Variants in TCN2 observed in about 807,000 individuals in gnomAD.
TCN2 encodes transcobalamin 2.
TCN2 carries 34 observed loss-of-function variants against 48.6 expected under a neutral mutation model. The ratio of observed to expected loss-of-function variants is 0.70; its 90% CI spans 0.53 to 0.93. The LOEUF is 0.93. TCN2 is among the 40% of genes least tolerant of loss of function. TCN2 has a pLI of 0.00. For synonymous variants in TCN2, 283 were observed against 212.5 expected (o/e 1.33, Z -2.89); for missense variants, 652 against 526.1 (o/e 1.24, Z -2.34).
intron 8 of TCN2, among the ~76,000 whole-genome samples, chr22:30,623,847 C>T (rs796525214): frequency 0.02 from 536 of 26,698 alleles, 4 homozygotes; most frequent in Non-Finnish European, 0.025. Flanking sequence ...CACACACATA[C>T]ATACACATAC....
intron 1 of TCN2, among the ~76,000 whole-genome samples, chr22:30,607,848 GA>G (rs1790905520): frequency 1.3e-5 from 2 of 152,052 alleles, no homozygotes; most frequent in Non-Finnish European, 1.5e-5. Flanking sequence ...GCAACATAGG[GA>G]GACCCCATCT....
chr22:30,623,584 T>A (rs1436967405), intron 8 of TCN2, among the ~76,000 whole-genome samples: 1 of 151,628 alleles, frequency 6.6e-6, no homozygotes, highest in Non-Finnish European at 1.5e-5. Flanking sequence ...AGATACTTTT[T>A]AAAAATATGG....
intron 8 of TCN2, 178 bp downstream of exon 8, chr22:30,623,261 G>A (rs1305957468): frequency 5.7e-6 from 3 of 527,984 alleles, no homozygotes; most frequent in East Asian, 3.2e-5. Flanking sequence ...TTTTATGCAA[G>A]TTACTGTGGA....
chr22:30,624,047 C>CACACATATATGTATACATATATAT lies in TCN2; in HGVS notation c.1222+969_1222+970insTATATGTATACATATATATACACA. On this transcript the variant is annotated intron_variant, in intron 8 of 8. Transcript: ENST00000215838. ...ACATATATATGTATACATATATACA[C>CACACATATATGTATACATATATAT]ACACACACACACACATATATATATA... Among the ~76,000 whole-genome samples, 11 of 27,402 alleles carry CACACATATATGTATACATATATAT rather than the reference C, an allele frequency of 4.0e-4. 5 individuals are homozygous for CACACATATATGTATACATATATAT. The African/African-American group carries it at 4.3e-3, about 11-fold the overall frequency. The allele number at this position is 27,402 out of a possible 152,430, so 18.0% of individuals were successfully genotyped here. A position where few individuals can be genotyped will look rare whatever the true frequency, so the allele number is the denominator to read the frequency against.
In TCN2 at chr22:30,614,436, A is replaced by T. The variant is rs529354366; in HGVS notation, c.515A>T (p.His172Leu). The T allele has an allele frequency of 1.2e-6, 2 of 1,614,172 alleles. No individual in the cohort carries two copies. The highest frequency in any genetic ancestry group is 8.5e-7 in the Non-Finnish European group (1 of 1,180,040). The change falls in exon 4 of 9, where the codon CAT becomes CTT. Residue 172 changes from histidine (H) to leucine (L), a missense_variant. Coordinates refer to ENST00000215838, the MANE Select transcript of TCN2 (RefSeq NM_000355.4). ...LALCLHQKRV[H>L]DSVVDKLLYA... Reference sequence around the variant, plus strand: ...CTGTGTCTCCACCAGAAGCGGGTCCATGACAGCGTGGTGGACAAACTTCTG... The same window carrying T: ...CTGTGTCTCCACCAGAAGCGGGTCCTTGACAGCGTGGTGGACAAACTTCTG...
At position 30,610,856 on chromosome 22, in the gene TCN2, A is replaced by T; in HGVS notation, c.65-15A>T. On this transcript the variant is annotated splice_polypyrimidine_tract_variant and intron_variant, in intron 1 of 8. Transcript: ENST00000215838. ...CTGGCCCTGTGACCTCATTTGTACC[A>T]TTTTCTTTTCTAAGAAATACCAGAG... 6.2e-7 allele frequency: 1 copy of T among 1,614,012 alleles called. No homozygotes were observed. The highest frequency in any genetic ancestry group is 8.5e-7 in the Non-Finnish European group (1 of 1,179,966).
chr22:30,616,650 G>A (rs2087616567), intron 6 of TCN2, among the ~76,000 whole-genome samples: 1 of 151,926 alleles, frequency 6.6e-6, no homozygotes, highest in Non-Finnish European at 1.5e-5. Context: ...AAATACGAAA[G>A]ATTAGCCAGG....
chr22:30,624,793 C>A (rs2087779249), intron 8 of TCN2, among the ~76,000 whole-genome samples: 1 of 152,168 alleles, frequency 6.6e-6, no homozygotes, highest in Admixed American at 6.5e-5. Flanking sequence ...CCCAAATCAA[C>A]CAGTTGCATA....
chr22:30,616,875 T>A (rs1194531985), intron 6 of TCN2, among the ~76,000 whole-genome samples: 3 of 152,066 alleles, frequency 2.0e-5, no homozygotes, highest in Non-Finnish European at 2.9e-5. Context: ...GCACAGAGTT[T>A]GGGGGAATTT....
At chr22:30,623,330 C>T in intron 8 of TCN2, 1 of 505,462 alleles carries the variant, frequency 2.0e-6, no homozygotes, top group Non-Finnish European at 3.5e-6. Flanking sequence ...AAATTAACAT[C>T]ACCTAGGATA....
At chr22:30,614,651 TG>T (rs1411615249) in intron 4 of TCN2, 150 bp downstream of exon 4, 7 of 1,188,684 alleles carry the variant, frequency 5.9e-6, no homozygotes, top group Non-Finnish European at 8.4e-6. Flanking sequence ...CGAGGGCTCA[TG>T]GGTGATGCTT....
At chr22:30,617,524 C>T (rs2087631058) in intron 7 of TCN2, 29 bp downstream of exon 7, 2 of 1,613,816 alleles carry the variant, frequency 1.2e-6, no homozygotes, top group South Asian at 1.1e-5. Flanking sequence ...AGTCCTCACC[C>T]CACCCAACCT....
chr22:30,619,293 T>A (rs1403688413), intron 7 of TCN2, among the ~76,000 whole-genome samples: 1 of 152,240 alleles, frequency 6.6e-6, no homozygotes, highest in Non-Finnish European at 1.5e-5. Context: ...TTGCCCAGAC[T>A]GGTCTCAAAC....
chr22:30,609,577 A>G (rs551309364), intron 1 of TCN2, among the ~76,000 whole-genome samples: 21 of 94,318 alleles, frequency 2.2e-4, no homozygotes, highest in African/African-American at 3.2e-4. Context: ...GGAAAAGGAA[A>G]GAGAGGTGAG....
chr22:30,626,533 C>T lies in TCN2; in HGVS notation c.*12C>T. ...TGGTTAGCTGGTAGCCCCTGAGCTC[C>T]CTCATCCCAGCAGCCTCGCACACTC... On this transcript the variant is annotated 3_prime_UTR_variant, in exon 9 of 9. Transcript: ENST00000215838. The T allele has an allele frequency of 6.2e-7, 1 of 1,613,992 alleles. No individual in the cohort carries two copies. Among genetic ancestry groups the T allele is most frequent in the Non-Finnish European group, 8.5e-7 (1 of 1,179,994 alleles).
At position 30,626,626 on chromosome 22, in the gene TCN2, T is replaced by G; in HGVS notation, c.*105T>G. On this transcript the variant is annotated 3_prime_UTR_variant, in exon 9 of 9. Coordinates refer to ENST00000215838, the MANE Select transcript of TCN2 (RefSeq NM_000355.4). Reference sequence around the variant, plus strand: ...CTCGCCTGACCCTGCTGCCACCTCCTGTGCACTTTGAGCAATGCCCCCTGG... The same window carrying G: ...CTCGCCTGACCCTGCTGCCACCTCCGGTGCACTTTGAGCAATGCCCCCTGG... 1 of 1,305,116 alleles carries G rather than the reference T, an allele frequency of 7.7e-7. No individual in the cohort carries two copies. Among genetic ancestry groups the G allele is most frequent in the Non-Finnish European group, 1.1e-6 (1 of 915,086 alleles). The allele number at this position is 1,305,116 out of a possible 1,614,324, so 80.8% of individuals were successfully genotyped here.
chr22:30,622,691 A>G (rs1205603435), intron 7 of TCN2, among the ~76,000 whole-genome samples: 3 of 152,228 alleles, frequency 2.0e-5, no homozygotes, highest in Non-Finnish European at 2.9e-5. Context: ...AGAGGGGACA[A>G]CTGCTGAGCT....
At chr22:30,613,979 G>A (rs2087575616) in intron 3 of TCN2, among the ~76,000 whole-genome samples, 1 of 152,076 alleles carries the variant, frequency 6.6e-6, no homozygotes, top group Non-Finnish European at 1.5e-5. Flanking sequence ...CTCTACCTTT[G>A]GCTCTGCCTC....
Position 30,617,401 on chromosome 22 carries a change from AG to A in TCN2, c.1013del (p.Ser338IlefsTer22). On this transcript the variant is annotated frameshift_variant, in exon 7 of 9. Coordinates refer to ENST00000215838, the MANE Select transcript of TCN2 (RefSeq NM_000355.4). LOFTEE classifies it high-confidence loss of function. ...CATCAGTGTCACGCTGCAGGTGCTT[AG>A]TCTCTTGCCGCCGTACAGACAGTCC... ...EIISVTLQVL[S>X]LLPPYRQSIS... 1 of 1,614,134 alleles carries A rather than the reference AG, an allele frequency of 6.2e-7. No homozygotes were observed. Among genetic ancestry groups the A allele is most frequent in the South Asian group, 1.1e-5 (1 of 91,078 alleles).
Sources: allele counts gnomAD v4.1 joint callset (sites outside exome capture counted in the v4.1 genomes callset), GRCh38; gene constraint gnomAD v4.1.1; transcripts MANE v1.5; gene names NCBI Gene and HGNC (gene_info 2026-07-23, HGNC 2026-07-21).